Variants in XRN2 observed in about 807,000 individuals in gnomAD.
XRN2 encodes 5'-3' exoribonuclease 2, also known as DHM1-like protein.
XRN2 carries 44 observed loss-of-function variants against 138.5 expected under a neutral mutation model. The ratio of observed to expected loss-of-function variants is 0.32; its 90% CI spans 0.25 to 0.41. The LOEUF (loss-of-function observed/expected upper bound fraction) is 0.41, where lower values mean the gene tolerates loss of function less well. Among genes scored for constraint, XRN2 ranks in the 10% least tolerant of loss-of-function variants. The pLI, the probability that XRN2 is intolerant of heterozygous loss-of-function variation, is 1.00. For missense variants in XRN2, 937 were observed against 1,169.3 expected, an observed-to-expected ratio of 0.80 and a Z score of 2.90; for synonymous variants, 354 against 369.4, an observed-to-expected ratio of 0.96 and a Z score of 0.48.
chr20:21,325,736 A>G (rs538340899), intron 1 of XRN2, among the ~76,000 whole-genome samples: 30 of 152,348 alleles, frequency 2.0e-4, no homozygotes, highest in South Asian at 4.1e-4. Flanking sequence ...TGTGAGAATC[A>G]TTAGAAAAAT....
intron 15 of XRN2, among the ~76,000 whole-genome samples, chr20:21,342,657 G>A (rs1320469631): frequency 6.6e-6 from 1 of 152,196 alleles, no homozygotes; most frequent in Non-Finnish European, 1.5e-5. Flanking sequence ...ATTACTTACT[G>A]AATGGTTAAC....
chr20:21,313,178 C>T lies in XRN2; in HGVS notation c.75+9705C>T, dbSNP rs147551954. Among the ~76,000 whole-genome samples, 101 of 152,302 alleles carry T rather than the reference C, an allele frequency of 6.6e-4. 1 individual carries two copies. The East Asian group carries it at 0.016, about 24-fold the overall frequency. On this transcript the variant is annotated intron_variant, in intron 1 of 29. Transcript: ENST00000377191. Reference sequence around the variant, plus strand: ...AGTGGACTTTATGTAAGTAATATTGCAGTTCTTCAAGTGAAGAATCAGTAA... The same window carrying T: ...AGTGGACTTTATGTAAGTAATATTGTAGTTCTTCAAGTGAAGAATCAGTAA...
intron 13 of XRN2, 42 bp downstream of exon 13, chr20:21,334,227 C>G: frequency 6.7e-7 from 1 of 1,485,916 alleles, no homozygotes; most frequent in Non-Finnish European, 9.4e-7. Context: ...GCTCCTGTCT[C>G]TAATAGGCTA....
chr20:21,329,268 T>C (rs1276285350), intron 4 of XRN2, among the ~76,000 whole-genome samples: 1 of 152,218 alleles, frequency 6.6e-6, no homozygotes, highest in African/African-American at 2.4e-5. Context: ...TTAAAATTCC[T>C]GGTGGCTACA....
chr20:21,357,283 G>A (rs1324848496), intron 23 of XRN2, among the ~76,000 whole-genome samples: 1 of 152,130 alleles, frequency 6.6e-6, no homozygotes, highest in African/African-American at 2.4e-5. Flanking sequence ...CATGTCAAGG[G>A]TACATTTCCA....
Position 21,365,705 on chromosome 20 carries a change from G to A in XRN2, c.2456+1G>A. The stretch of plus-strand genomic sequence containing the variant: ...ATCAGGCAGCCTTCAGGACTTTGGG[G>A]TGAGTTGTCAGTTTTTAGCCCTTGT... On this transcript the variant is annotated splice_donor_variant, in intron 26 of 29. Coordinates refer to ENST00000377191, the MANE Select transcript of XRN2 (RefSeq NM_012255.5). LOFTEE classifies it high-confidence loss of function. 1 of 1,599,454 alleles carries A rather than the reference G, an allele frequency of 6.3e-7. No individual in the cohort carries two copies. Among genetic ancestry groups the A allele is most frequent in the Non-Finnish European group, 8.5e-7 (1 of 1,173,804 alleles).
At chr20:21,354,898 A>T in intron 21 of XRN2, 26 bp downstream of exon 21, 1 of 1,581,588 alleles carries the variant, frequency 6.3e-7, no homozygotes, top group South Asian at 1.1e-5. Flanking sequence ...CTTAGTTAAC[A>T]TTGATCTGTG....
intron 26 of XRN2, among the ~76,000 whole-genome samples, chr20:21,367,518 CT>C (rs560407810): frequency 2.9e-3 from 416 of 143,954 alleles, no homozygotes; most frequent in Admixed American, 3.3e-3. Context: ...ATTCAGATAC[CT>C]TTTTTTTTTT....
chr20:21,316,835 T>G (rs2037965747), intron 1 of XRN2, among the ~76,000 whole-genome samples: 1 of 152,222 alleles, frequency 6.6e-6, no homozygotes, highest in South Asian at 2.1e-4. Flanking sequence ...AAATATAAAT[T>G]TCGTATTTCT....
chr20:21,368,331 TTTG>T, intron 26 of XRN2, 129 bp from the exon 27 acceptor site: 1 of 1,081,706 alleles, frequency 9.2e-7, no homozygotes, highest in Non-Finnish European at 1.3e-6. Context: ...AAACCACCTT[TTTG>T]TTTGTATTAT....
intron 27 of XRN2, among the ~76,000 whole-genome samples, chr20:21,373,308 G>A (rs2038783323): frequency 6.6e-6 from 1 of 152,162 alleles, no homozygotes; most frequent in Non-Finnish European, 1.5e-5. Flanking sequence ...GCGCCCAGCA[G>A]TTCATCTGTT....
intron 1 of XRN2, among the ~76,000 whole-genome samples, chr20:21,314,649 G>A (rs962035380): frequency 2.6e-5 from 4 of 151,878 alleles, no homozygotes; most frequent in Non-Finnish European, 4.4e-5. Context: ...ACTATGCTTG[G>A]CTAACTTTTT....
intron 8 of XRN2, 110 bp from the exon 9 acceptor site, chr20:21,332,173 T>G: frequency 7.5e-7 from 1 of 1,338,394 alleles, no homozygotes; most frequent in Non-Finnish European, 1.0e-6. Context: ...TTGCTGCTCA[T>G]TTGGGTGCTC....
At position 21,349,428 on chromosome 20, in the gene XRN2, A is replaced by G. The variant is rs144555863; in HGVS notation, c.1903A>G (p.Ile635Val). ...TGACTTCTATCCTGAAGATTTTGCT[A>G]TTGATTTGAATGGGAAGAAATATGC... The part of the protein sequence containing the change: ...IIDFYPEDFA[I>V]DLNGKKYAWQ... Residue 635 changes from isoleucine to valine, a missense_variant, in exon 20 of 30, where the codon ATT becomes GTT. Physicochemically the swap from Ile to Val is conservative, Grantham distance 29 (BLOSUM62 3). This residue lies in a region of XRN2 where 372 missense variants were observed against 414.4 expected (regional missense o/e 0.90). Transcript: ENST00000377191. 81 of 1,608,410 alleles carry G rather than the reference A, an allele frequency of 5.0e-5. No homozygotes were observed. Among genetic ancestry groups the G allele is most frequent in the African/African-American group, 9.4e-5 (7 of 74,814 alleles).
intron 8 of XRN2, 145 bp from the exon 9 acceptor site, chr20:21,332,138 C>A (rs763581960): frequency 1.0e-6 from 1 of 986,640 alleles, no homozygotes; most frequent in Non-Finnish European, 1.4e-6. Context: ...CTGGGAAATG[C>A]CAGGAAGTGT....
chr20:21,331,457 C>T, intron 6 of XRN2, 104 bp from the exon 7 acceptor site: 1 of 924,084 alleles, frequency 1.1e-6, no homozygotes. Context: ...AGAAAATTTT[C>T]CCGTAACACT....
chr20:21,384,178 A>T (rs1255433475), intron 28 of XRN2, among the ~76,000 whole-genome samples: 1 of 152,232 alleles, frequency 6.6e-6, no homozygotes, highest in Non-Finnish European at 1.5e-5. Context: ...TAGAGTTAAT[A>T]GATACCCAGC....
chr20:21,316,675 T>A (rs143663495), intron 1 of XRN2, among the ~76,000 whole-genome samples: 3 of 152,370 alleles, frequency 2.0e-5, no homozygotes, highest in Non-Finnish European at 4.4e-5. Flanking sequence ...CCGCACTGTC[T>A]TGATTACTGT....
Position 21,356,685 on chromosome 20 carries a change from T to G in XRN2, c.2198+20T>G, listed in dbSNP as rs2038579531. 1 of 1,599,550 alleles carries G rather than the reference T, an allele frequency of 6.3e-7. No homozygotes were observed. Among genetic ancestry groups the G allele is most frequent in the Non-Finnish European group, 8.5e-7 (1 of 1,171,108 alleles). Reference sequence around the variant, plus strand: ...AGATCAGTAAGTTTCATTTTGTATATAATTGAGGTGACTGGAAGGAAGTTT... The same window carrying G: ...AGATCAGTAAGTTTCATTTTGTATAGAATTGAGGTGACTGGAAGGAAGTTT... On this transcript the variant is annotated intron_variant, in intron 23 of 29. Coordinates refer to ENST00000377191, the MANE Select transcript of XRN2 (RefSeq NM_012255.5).
Sources: allele counts gnomAD v4.1 joint callset (sites outside exome capture counted in the v4.1 genomes callset), GRCh38; gene constraint gnomAD v4.1.1; regional missense constraint gnomAD v4.1.1; transcripts MANE v1.5; gene names NCBI Gene and HGNC (gene_info 2026-07-23, HGNC 2026-07-21).